CERT1: variants seen among roughly 807,000 people sequenced by gnomAD.
CERT1 encodes ceramide transfer protein.
A neutral mutation model predicts 87.9 loss-of-function variants in CERT1; 31 were observed. That is an observed-to-expected ratio of 0.35 (90% CI 0.27 to 0.48). CERT1 has a LOEUF of 0.48. Ranked by LOEUF, CERT1 falls within the 20% of genes least tolerant of loss-of-function variation. The probability of loss-of-function intolerance (pLI) is 0.99; values close to 1 mark genes in which losing one functional copy is unlikely to be tolerated. For synonymous variants in CERT1, 289 were observed against 250.9 expected (o/e 1.15, Z -1.44); for missense variants, 487 against 758.0 (o/e 0.64, Z 4.20).
chr5:75,488,107 TTAGA>T (rs1391067239), intron 2 of CERT1, among the ~76,000 whole-genome samples: 2 of 151,988 alleles, frequency 1.3e-5, no homozygotes, highest in Non-Finnish European at 1.5e-5. Flanking sequence ...AAAAATATAG[TTAGA>T]TAGAATTAAT....
intron 5 of CERT1, among the ~76,000 whole-genome samples, chr5:75,421,670 T>A (rs1006989294): frequency 5.3e-5 from 8 of 152,240 alleles, no homozygotes; most frequent in Admixed American, 1.3e-4. Context: ...GTTGAAGTTA[T>A]AATACGACTA....
At chr5:75,448,375 G>A (rs1278047913) in intron 3 of CERT1, among the ~76,000 whole-genome samples, 3 of 152,048 alleles carry the variant, frequency 2.0e-5, no homozygotes, top group Admixed American at 1.3e-4. Context: ...TTTCAGTTAC[G>A]GTAATATTTT....
chr5:75,511,943 C>G (rs1768041469), upstream of CERT1: 2 of 899,778 alleles, frequency 2.2e-6, no homozygotes, highest in South Asian at 1.8e-5. Flanking sequence ...GATCGCTTGT[C>G]CCCTTGGGGC....
chr5:75,389,847 T>C (rs180758735), intron 11 of CERT1, among the ~76,000 whole-genome samples, 160 bp from the exon 12 acceptor site: 153 of 152,336 alleles, frequency 1.0e-3, no homozygotes, highest in African/African-American at 3.4e-3. Flanking sequence ...TTGAAGAGTT[T>C]AGTCCACATT....
chr5:75,407,669 A>G (rs1406781617), intron 8 of CERT1, among the ~76,000 whole-genome samples: 2 of 152,132 alleles, frequency 1.3e-5, no homozygotes, highest in Non-Finnish European at 2.9e-5. Context: ...GCTGGAGGCC[A>G]TTATCCAAAG....
chr5:75,499,074 T>C (rs1287949066), intron 2 of CERT1, among the ~76,000 whole-genome samples: 3 of 152,194 alleles, frequency 2.0e-5, no homozygotes, highest in Admixed American at 6.5e-5. Context: ...CCTGCCAATT[T>C]CTCCCATTTG....
chr5:75,425,521 G>T, intron 4 of CERT1, 22 bp from the exon 5 acceptor site: 1 of 1,609,514 alleles, frequency 6.2e-7, no homozygotes, highest in South Asian at 1.1e-5. Flanking sequence ...AAAATAGGGG[G>T]ATGTAATTCA....
chr5:75,417,833 G>A (rs191117659), intron 6 of CERT1, among the ~76,000 whole-genome samples: 32 of 152,294 alleles, frequency 2.1e-4, no homozygotes, highest in African/African-American at 7.2e-4. Flanking sequence ...CTTCTATCCA[G>A]AATATATGAA....
In CERT1 at chr5:75,511,324, G is replaced by GT; in HGVS notation, c.-118dup. On this transcript the variant is annotated 5_prime_UTR_variant, in exon 1 of 17. Transcript: ENST00000643780. ...GGCGAAGCGAAGAGTGCCCGCTCCG[G>GT]TGTGGGGGGGAGCAGGAGGAGGGAC... The GT allele has an allele frequency of 6.5e-7, 1 of 1,548,048 alleles. No homozygotes were observed. Among genetic ancestry groups the GT allele is most frequent in the Non-Finnish European group, 8.7e-7 (1 of 1,146,482 alleles).
intron 14 of CERT1, 58 bp downstream of exon 14, chr5:75,384,584 A>G (rs977556603): frequency 6.6e-6 from 8 of 1,206,860 alleles, no homozygotes; most frequent in African/African-American, 3.0e-5. Flanking sequence ...TAGAGAATCT[A>G]TATGTCTGAG....
At chr5:75,499,593 C>T (rs1561306550) in intron 2 of CERT1, among the ~76,000 whole-genome samples, 2 of 152,136 alleles carry the variant, frequency 1.3e-5, no homozygotes, top group East Asian at 3.8e-4. Context: ...TACCCAGTCT[C>T]AGGTATTTCT....
downstream of CERT1, chr5:75,376,428 C>A (rs1761319196): frequency 6.6e-6 from 1 of 152,090 alleles, no homozygotes; most frequent in South Asian, 2.1e-4. Flanking sequence ...AAAATCTGGT[C>A]TTGGATAGAG....
chr5:75,459,886 C>T (rs949126399), intron 2 of CERT1, among the ~76,000 whole-genome samples: 62 of 145,086 alleles, frequency 4.3e-4, no homozygotes, highest in African/African-American at 1.4e-3. Flanking sequence ...TGCTTAAACC[C>T]GGGAGGCCGA....
intron 3 of CERT1, among the ~76,000 whole-genome samples, chr5:75,450,704 CTTCT>C (rs1764736734): frequency 6.6e-6 from 1 of 152,206 alleles, no homozygotes; most frequent in Admixed American, 6.5e-5. Context: ...AACCCAGCCA[CTTCT>C]TTCTATGATT....
chr5:75,505,909 C>T (rs1767629399), intron 2 of CERT1, 73 bp downstream of exon 2: 1 of 1,168,572 alleles, frequency 8.6e-7, no homozygotes, highest in Admixed American at 1.8e-5. Context: ...GTATCCTGAA[C>T]ACGTAGAACA....
At chr5:75,383,629 T>A (rs112893891) in intron 14 of CERT1, among the ~76,000 whole-genome samples, 1 of 152,152 alleles carries the variant, frequency 6.6e-6, no homozygotes, top group Non-Finnish European at 1.5e-5. Context: ...TTATTAGATA[T>A]AAGATGTCTC....
downstream of CERT1, chr5:75,374,629 C>G (rs10515197): frequency 6.1e-6 from 4 of 660,640 alleles, no homozygotes; most frequent in Admixed American, 1.8e-5. Context: ...ATTTCCGAAG[C>G]GAGTGTCTTT....
rs11404644 is a variant in CERT1 at position 75,461,821 on chromosome 5, G to GAA, written c.232-2642_232-2641dup. Among the ~76,000 whole-genome samples the GAA allele has an allele frequency of 1.7e-3, 148 of 89,632 alleles. 1 individual carries two copies. The highest frequency in any genetic ancestry group is 2.9e-3 in the African/African-American group (69 of 24,024). 58.8% of individuals were successfully genotyped at this position (89,632 alleles called of 152,430 possible). On this transcript the variant is annotated intron_variant, in intron 2 of 16. Coordinates refer to ENST00000643780, the MANE Select transcript of CERT1 (RefSeq NM_001379029.1). ...CAAAAGTTTTACATCTCAACAAAGT[G>GAA]AAAAAAAAAAAAAAAACGAGAGAAG...
At chr5:75,379,769 G>A (rs1761486670) in intron 16 of CERT1, among the ~76,000 whole-genome samples, 1 of 152,076 alleles carries the variant, frequency 6.6e-6, no homozygotes, top group African/African-American at 2.4e-5. Context: ...ATTTTTAGTA[G>A]AGATGGGTTT....
Sources: gnomAD v4.1 joint callset for allele counts (sites outside exome capture counted in the v4.1 genomes callset) on GRCh38, gnomAD v4.1.1 for gene constraint, MANE v1.5 for transcripts, NCBI Gene and HGNC (gene_info 2026-07-23, HGNC 2026-07-21) for gene names.